The following DNAH9 variants were observed in gnomAD, a reference collection of about 807,000 sequenced individuals.
DNAH9 encodes the protein DNAH9 variant protein.
In DNAH9, 345 loss-of-function variants were observed where a neutral mutation model predicts 471.6. That is an observed-to-expected ratio of 0.73 (90% CI 0.67 to 0.80). DNAH9 has a LOEUF of 0.80. Among genes scored for constraint, DNAH9 ranks in the 30% least tolerant of loss-of-function variants. DNAH9 has a pLI of 0.00. For missense variants in DNAH9, 5,407 were observed against 5,609.2 expected (o/e 0.96, Z 1.15); for synonymous variants, 2,093 against 2,123.6 (o/e 0.99, Z 0.40).
In DNAH9 at chr17:11,651,154, C is replaced by A; in HGVS notation, c.2183C>A (p.Ser728Tyr). The A allele has an allele frequency of 6.2e-7, 1 of 1,614,104 alleles. No individual in the cohort carries two copies. Among genetic ancestry groups the A allele is most frequent in the Non-Finnish European group, 8.5e-7 (1 of 1,179,996 alleles). The part of the protein sequence containing the change: ...MPETAAAMFS[S>Y]RDFYRQLVAN... ...GAGACAGCAGCAGCCATGTTCTCCT[C>A]CAGGGATTTCTATCGGCAGCTTGTG... is the stretch of plus-strand genomic sequence containing the variant. Residue 728 changes from serine (S) to tyrosine (Y), a missense_variant, in exon 13 of 69, where the codon TCC becomes TAC. This residue lies in a region of DNAH9 where 4,636 missense variants were observed against 4,900.3 expected (regional missense o/e 0.95). Coordinates refer to ENST00000262442, the MANE Select transcript of DNAH9 (RefSeq NM_001372.4).
chr17:11,798,127 A>C (rs892424349), intron 43 of DNAH9, among the ~76,000 whole-genome samples: 1 of 152,044 alleles, frequency 6.6e-6, no homozygotes, highest in African/African-American at 2.4e-5. Context: ...TTATTAGTCC[A>C]AGGGCCATTT....
intron 14 of DNAH9, among the ~76,000 whole-genome samples, chr17:11,655,953 C>T (rs1316758773): frequency 6.6e-6 from 1 of 152,038 alleles, no homozygotes; most frequent in African/African-American, 2.4e-5. Flanking sequence ...TTTCTTTATC[C>T]ACTCATTGAC....
At position 11,894,397 on chromosome 17, in the gene DNAH9, C is replaced by T; in HGVS notation, c.11307C>T (p.Val3769=). The T allele has an allele frequency of 1.9e-6, 3 of 1,614,144 alleles. No individual in the cohort carries two copies. Among genetic ancestry groups the T allele is most frequent in the Non-Finnish European group, 2.5e-6 (3 of 1,180,004 alleles). Residue 3769 remains valine (V), a synonymous_variant, in exon 59 of 69, where the codon GTC becomes GTT. Transcript: ENST00000262442. ...AGATTCTCCTCATGAACCGAGAAGTCAATGCAGTGGAGTTGGATTTCCTGC... is the reference window on the plus strand; with the variant it reads ...AGATTCTCCTCATGAACCGAGAAGTTAATGCAGTGGAGTTGGATTTCCTGC... ...TFQILLMNRE[V]NAVELDFLLR...
chr17:11,929,235 C>T (rs976625931), intron 62 of DNAH9, among the ~76,000 whole-genome samples: 4 of 151,800 alleles, frequency 2.6e-5, no homozygotes, highest in Middle Eastern at 3.2e-3. Context: ...GGGGTTTCAC[C>T]GTGTTAGCCA....
intron 28 of DNAH9, among the ~76,000 whole-genome samples, chr17:11,737,644 C>T (rs985094620): frequency 2.6e-5 from 4 of 152,216 alleles, no homozygotes; most frequent in African/African-American, 9.7e-5. Flanking sequence ...TTGAATTTCA[C>T]TTCTGCCTCT....
chr17:11,795,740 T>A (rs1293943924), intron 42 of DNAH9, among the ~76,000 whole-genome samples: 4 of 152,214 alleles, frequency 2.6e-5, no homozygotes, highest in African/African-American at 9.6e-5. Flanking sequence ...CGGTCTGAGC[T>A]AGCACTTCAG....
rs1379596834 is a variant in DNAH9 at position 11,727,824 on chromosome 17, G to A, written c.5716G>A (p.Gly1906Ser). The change falls in exon 28 of 69, where the codon GGC (glycine) becomes AGC (serine). Residue 1906 changes from glycine to serine, a missense_variant. This residue lies in a region of DNAH9 where 4,636 missense variants were observed against 4,900.3 expected (regional missense o/e 0.95). Coordinates refer to ENST00000262442, the MANE Select transcript of DNAH9 (RefSeq NM_001372.4). ...CSEQMDYKSCGNIYKGLAQTG... is the reference protein window; with the variant it reads ...CSEQMDYKSCSNIYKGLAQTG... ...TTTGTGCATTTTCTTGCAGTCTTGT[G>A]GCAACATCTACAAAGGCCTTGCTCA... 3 of 1,612,346 alleles carry A rather than the reference G, an allele frequency of 1.9e-6. No homozygotes were observed. The highest frequency in any genetic ancestry group is 1.1e-5 in the South Asian group (1 of 91,030).
chr17:11,818,020 G>A (rs900843648), intron 45 of DNAH9, among the ~76,000 whole-genome samples: 4 of 152,198 alleles, frequency 2.6e-5, no homozygotes, highest in African/African-American at 9.7e-5. Flanking sequence ...TCCAGATACA[G>A]TAGTTCAAGA....
At position 11,815,198 on chromosome 17, in the gene DNAH9, T is replaced by G. The variant is rs1399465944; in HGVS notation, c.8707+4829T>G. ...TTCTTTTCCTTTTGTGGTAATAAAC[T>G]GTTTTTTTTTTTCTTGTGGAACTGA... is the stretch of plus-strand genomic sequence containing the variant. On this transcript the variant is annotated intron_variant, in intron 45 of 68. Coordinates refer to ENST00000262442, the MANE Select transcript of DNAH9 (RefSeq NM_001372.4). Among the ~76,000 whole-genome samples, 8 of 18,512 alleles carry G rather than the reference T, an allele frequency of 4.3e-4. No individual in the cohort carries two copies. The Non-Finnish European group carries it at 6.5e-3, about 15-fold the overall frequency. The allele number at this position is 18,512 out of a possible 152,430, so 12.1% of individuals were successfully genotyped here. A position where few individuals can be genotyped will look rare whatever the true frequency, so the allele number is the denominator to read the frequency against.
chr17:11,829,621 G>A (rs1477831402), intron 48 of DNAH9, among the ~76,000 whole-genome samples: 1 of 152,080 alleles, frequency 6.6e-6, no homozygotes, highest in African/African-American at 2.4e-5. Context: ...ACAGGTGCGT[G>A]CCACCGTGCC....
In DNAH9 at chr17:11,632,639, G is replaced by A. The variant is rs140374295; in HGVS notation, c.1571G>A (p.Arg524Gln). Residue 524 changes from arginine to glutamine, a missense_variant, in exon 8 of 69, where the codon CGA becomes CAA. Arg to Gln is a conservative substitution (Grantham distance 43, BLOSUM62 1). Coordinates refer to ENST00000262442, the MANE Select transcript of DNAH9 (RefSeq NM_001372.4). ...AACCAGAAAGTAGAAGATCTTGACCGAAGATTGGGGACTATCTTTATTCAA... is the reference window on the plus strand; with the variant it reads ...AACCAGAAAGTAGAAGATCTTGACCAAAGATTGGGGACTATCTTTATTCAA... ...EFNQKVEDLD[R>Q]RLGTIFIQAF... 1.6e-4 allele frequency: 260 copies of A among 1,611,500 alleles called. No homozygotes were observed. The highest frequency in any genetic ancestry group is 2.1e-4 in the Non-Finnish European group (245 of 1,177,800).
intron 12 of DNAH9, among the ~76,000 whole-genome samples, chr17:11,647,660 G>C (rs1009446038): frequency 7.9e-5 from 12 of 152,142 alleles, no homozygotes; most frequent in African/African-American, 2.7e-4. Context: ...CTAGATGCTG[G>C]AGGGCCAACC....
chr17:11,912,777 T>C (rs1045504045), intron 61 of DNAH9, among the ~76,000 whole-genome samples: 2 of 152,220 alleles, frequency 1.3e-5, no homozygotes, highest in African/African-American at 2.4e-5. Context: ...TTTTCTTTCT[T>C]TGCAATGTCC....
chr17:11,872,482 C>T (rs995609740), intron 52 of DNAH9, among the ~76,000 whole-genome samples: 16 of 152,006 alleles, frequency 1.1e-4, no homozygotes, highest in African/African-American at 3.1e-4. Flanking sequence ...TTGGCACTTT[C>T]GCATCACTTC....
At chr17:11,706,742 T>C (rs935952505) in intron 26 of DNAH9, among the ~76,000 whole-genome samples, 11 of 152,218 alleles carry the variant, frequency 7.2e-5, no homozygotes, top group African/African-American at 2.7e-4. Flanking sequence ...AACTTTTTTC[T>C]ATTAAGAGGA....
chr17:11,752,493 C>T (rs529517462), intron 32 of DNAH9, among the ~76,000 whole-genome samples: 4 of 152,118 alleles, frequency 2.6e-5, no homozygotes, highest in Non-Finnish European at 5.9e-5. Flanking sequence ...GGTGAAACCG[C>T]GTCTCTACTA....
chr17:11,617,598 G>T lies in DNAH9; in HGVS notation c.1092G>T (p.Glu364Asp). 4.3e-6 allele frequency: 7 copies of T among 1,614,142 alleles called. No individual in the cohort carries two copies. The highest frequency in any genetic ancestry group is 1.1e-5 in the South Asian group (1 of 91,082). ...SPGRLTVLLQ[E>D]ICNLLIQQAS... ...GAAGGCTGACTGTGCTGCTCCAGGA[G>T]ATTTGCAACCTTCTCATCCAGCAGG... is the stretch of plus-strand genomic sequence containing the variant. The change falls in exon 5 of 69, where the codon GAG becomes GAT. Residue 364 changes from glutamate (E) to aspartate (D), a missense_variant. Around this residue, in one of 3 missense-constraint regions of DNAH9, gnomAD observed 767 missense variants for 692.5 expected, o/e 1.11. Transcript: ENST00000262442.
At chr17:11,710,207 TA>T (rs927675776) in intron 26 of DNAH9, among the ~76,000 whole-genome samples, 16 of 152,180 alleles carry the variant, frequency 1.1e-4, no homozygotes, top group Non-Finnish European at 1.6e-4. Context: ...AATATTTTTC[TA>T]AAACACTCTA....
chr17:11,858,237 T>A (rs980926550), intron 50 of DNAH9, among the ~76,000 whole-genome samples: 1 of 152,202 alleles, frequency 6.6e-6, no homozygotes, highest in African/African-American at 2.4e-5. Flanking sequence ...AAATATCAAA[T>A]AGTAGAGAAA....
Sources: gnomAD v4.1 joint callset for allele counts (sites outside exome capture counted in the v4.1 genomes callset) on GRCh38, gnomAD v4.1.1 for gene constraint, gnomAD v4.1.1 regional missense constraint, MANE v1.5 for transcripts, NCBI Gene and HGNC (gene_info 2026-07-23, HGNC 2026-07-21) for gene names.